Variants in USP48 observed in about 807,000 individuals in gnomAD.
The protein encoded by USP48 is ubiquitin carboxyl-terminal hydrolase 48.
A neutral mutation model predicts 150.7 loss-of-function variants in USP48; 43 were observed. That is an observed-to-expected ratio of 0.29 (90% CI 0.22 to 0.37). The LOEUF (loss-of-function observed/expected upper bound fraction) is 0.37. USP48 is among the 10% of genes least tolerant of loss of function. The pLI, the probability that USP48 is intolerant of heterozygous loss-of-function variation, is 1.00. For missense variants in USP48, 813 were observed against 1,249.6 expected, an observed-to-expected ratio of 0.65 and a Z score of 5.27; for synonymous variants, 396 against 425.9, an observed-to-expected ratio of 0.93 and a Z score of 0.86.
intron 11 of USP48, among the ~76,000 whole-genome samples, chr1:21,726,734 CTAAG>C (rs1410365174): frequency 6.6e-6 from 1 of 152,138 alleles, no homozygotes; most frequent in African/African-American, 2.4e-5. Flanking sequence ...GAAAAAGACT[CTAAG>C]TAGGCCCCTC....
intron 11 of USP48, among the ~76,000 whole-genome samples, chr1:21,727,226 C>G (rs898066236): frequency 6.6e-5 from 10 of 152,058 alleles, no homozygotes; most frequent in African/African-American, 2.4e-4. Context: ...AGCACAAAAC[C>G]ATGCTCATTA....
In USP48 at chr1:21,694,587, A is replaced by C. The variant is rs1397488570; in HGVS notation, c.2883+479T>G. Among the ~76,000 whole-genome samples, 7 of 127,170 alleles carry C rather than the reference A, an allele frequency of 5.5e-5. 1 individual carries two copies. Among genetic ancestry groups the C allele is most frequent in the African/African-American group, 1.7e-4 (6 of 35,976 alleles). The allele number at this position is 127,170 out of a possible 152,430, so 83.4% of individuals were successfully genotyped here. ...TCTGTCTCACCAAAAAAAAAAAAAA[A>C]AAAAAAAAAAAAAAAAAAAACCCCC... On this transcript the variant is annotated intron_variant, in intron 23 of 26. Transcript: ENST00000308271.
intron 1 of USP48, among the ~76,000 whole-genome samples, chr1:21,760,647 G>A (rs758614097): frequency 2.0e-5 from 3 of 151,890 alleles, no homozygotes; most frequent in South Asian, 2.1e-4. Flanking sequence ...ACTGGAAGGC[G>A]GGAGGGTGCA....
At chr1:21,769,021 T>G (rs1167414288) in intron 1 of USP48, among the ~76,000 whole-genome samples, 1 of 152,192 alleles carries the variant, frequency 6.6e-6, no homozygotes, top group Non-Finnish European at 1.5e-5. Context: ...TTTTAAGTAT[T>G]TGTGTTCGTT....
At chr1:21,756,801 A>T (rs2097836975) in intron 2 of USP48, 99 bp from the exon 3 acceptor site, 1 of 1,515,244 alleles carries the variant, frequency 6.6e-7, no homozygotes, top group African/African-American at 1.4e-5. Context: ...AATGTGTAAG[A>T]CCGTCACAAC....
intron 25 of USP48, among the ~76,000 whole-genome samples, chr1:21,685,163 T>A (rs1196407002): frequency 6.6e-6 from 1 of 152,228 alleles, no homozygotes; most frequent in Non-Finnish European, 1.5e-5. Flanking sequence ...ATTCTTCTGA[T>A]CCATGAGCAC....
chr1:21,764,638 G>A (rs548463949), intron 1 of USP48, among the ~76,000 whole-genome samples: 18 of 151,198 alleles, frequency 1.2e-4, no homozygotes, highest in South Asian at 6.3e-4. Context: ...CCCGGGAGGC[G>A]GAGGTTGCAG....
intron 18 of USP48, 95 bp from the exon 19 acceptor site, chr1:21,705,932 T>TA: frequency 8.7e-7 from 1 of 1,143,930 alleles, no homozygotes; most frequent in Non-Finnish European, 1.2e-6. Flanking sequence ...GAGATATATT[T>TA]AAGAAAATAT....
rs1295523094 is a variant in USP48 at position 21,738,301 on chromosome 1, A to C, written c.992-1676T>G. 1.8e-4 allele frequency among the ~76,000 whole-genome samples: 27 copies of C among 149,096 alleles called. No individual in the cohort carries two copies. The Admixed American group carries it at 1.8e-3, about 10-fold the overall frequency. ...TCGAACTCCTGACCTCAGGTGATCC[A>C]TCTGCCTCGGCCTCCCAAAGTGCTG... On this transcript the variant is annotated intron_variant, in intron 8 of 26. Transcript: ENST00000308271.
At position 21,716,006 on chromosome 1, in the gene USP48, A is replaced by T. The variant is rs1258747558; in HGVS notation, c.1895-549T>A. Among the ~76,000 whole-genome samples the T allele has an allele frequency of 2.0e-5, 3 of 152,326 alleles. No homozygotes were observed. The East Asian group carries it at 5.8e-4, about 29-fold the overall frequency. On this transcript the variant is annotated intron_variant, in intron 14 of 26. Transcript: ENST00000308271. ...ACATTTCTGTTCATGTCTTCCACCC[A>T]CAAGTTTAATGCCTTTTCCATCTTA...
At chr1:21,778,703 A>C (rs1269317933) in intron 1 of USP48, among the ~76,000 whole-genome samples, 1 of 151,814 alleles carries the variant, frequency 6.6e-6, no homozygotes, top group African/African-American at 2.4e-5. Flanking sequence ...ACTTGAAGCA[A>C]GGAGTTCAAG....
chr1:21,735,480 A>G (rs532134356), intron 9 of USP48, among the ~76,000 whole-genome samples: 2 of 152,306 alleles, frequency 1.3e-5, no homozygotes, highest in South Asian at 4.1e-4. Context: ...GCCGGGCATG[A>G]TGGTTCACAC....
intron 1 of USP48, among the ~76,000 whole-genome samples, chr1:21,777,032 T>A (rs374931194): frequency 6.6e-6 from 1 of 151,772 alleles, no homozygotes; most frequent in African/African-American, 2.4e-5. Context: ...GGAGAATCGC[T>A]TGAACATGGG....
Position 21,706,139 on chromosome 1 carries a change from G to A in USP48, c.2260C>T (p.Arg754Trp), listed in dbSNP as rs748095023. ...IVSQFFVEEW[R>W]KFVRKPTRCS... is the part of the protein sequence containing the mutation. ...TTTTGTTTCTACCTAACAAATTTCC[G>A]CCACTCTTCTACAAAGAACTGAGAC... The change falls in exon 18 of 27, where the codon CGG (arginine) becomes TGG (tryptophan). Residue 754 changes from arginine to tryptophan, a missense_variant. Physicochemically the swap from Arg to Trp is moderately radical, Grantham distance 101. Coordinates refer to ENST00000308271, the MANE Select transcript of USP48 (RefSeq NM_032236.8). 6 of 1,613,322 alleles carry A rather than the reference G, an allele frequency of 3.7e-6. No individual in the cohort carries two copies. The highest frequency in any genetic ancestry group is 1.7e-5 in the Admixed American group (1 of 59,846).
intron 25 of USP48, among the ~76,000 whole-genome samples, chr1:21,682,874 G>GAA (rs113666436): frequency 5.7e-5 from 7 of 121,782 alleles, no homozygotes; most frequent in African/African-American, 6.1e-5. Flanking sequence ...CTCCATCTCA[G>GAA]AAAAAAAAAA....
intron 22 of USP48, among the ~76,000 whole-genome samples, chr1:21,695,510 G>A (rs1258740473): frequency 2.6e-5 from 4 of 152,130 alleles, no homozygotes; most frequent in Admixed American, 2.6e-4. Flanking sequence ...TATAATCCCA[G>A]GAGTTCAAGA....
At chr1:21,740,269 T>C (rs1480431126) in intron 8 of USP48, among the ~76,000 whole-genome samples, 1 of 152,246 alleles carries the variant, frequency 6.6e-6, no homozygotes, top group African/African-American at 2.4e-5. Context: ...TCCAGATTCA[T>C]CCATGTGATC....
At chr1:21,734,526 C>A (rs570093794) in intron 9 of USP48, among the ~76,000 whole-genome samples, 62 of 152,202 alleles carry the variant, frequency 4.1e-4, no homozygotes, top group Non-Finnish European at 8.2e-4. Context: ...GAAAGCAAAT[C>A]TCAACTGCTA....
intron 6 of USP48, among the ~76,000 whole-genome samples, chr1:21,748,740 G>A (rs1472640489): frequency 4.6e-5 from 7 of 152,092 alleles, no homozygotes; most frequent in Admixed American, 4.6e-4. Flanking sequence ...GTGAAACCCC[G>A]TCTCTACTAA....
Sources: allele counts gnomAD v4.1 joint callset (sites outside exome capture counted in the v4.1 genomes callset), GRCh38; gene constraint gnomAD v4.1.1; transcripts MANE v1.5; gene names NCBI Gene and HGNC (gene_info 2026-07-23, HGNC 2026-07-21).